SORCS1: variants seen among roughly 807,000 people sequenced by gnomAD.
The protein encoded by SORCS1 is sortilin related VPS10 domain containing receptor 1.
Under a neutral mutation model 146.1 loss-of-function variants are expected in SORCS1, and 60 were observed. The ratio of observed to expected loss-of-function variants is 0.41; its 90% confidence interval spans 0.33 to 0.51. SORCS1 has a LOEUF of 0.51. SORCS1 is among the 20% of genes least tolerant of loss of function. The pLI, the probability that SORCS1 is intolerant of heterozygous loss-of-function variation, is 0.21. For missense variants in SORCS1, 1,352 were observed against 1,487.6 expected (o/e 0.91, Z 1.50); for synonymous variants, 637 against 584.0 (o/e 1.09, Z -1.31).
intron 9 of SORCS1, among the ~76,000 whole-genome samples, chr10:106,698,401 C>T (rs1235328014): frequency 6.6e-6 from 1 of 152,130 alleles, no homozygotes; most frequent in African/African-American, 2.4e-5. Context: ...TATTGTTACA[C>T]TTCCCAAATT....
At chr10:106,803,296 C>T (rs1365844633) in intron 3 of SORCS1, among the ~76,000 whole-genome samples, 1 of 152,134 alleles carries the variant, frequency 6.6e-6, no homozygotes, top group Non-Finnish European at 1.5e-5. Context: ...TTTACATATC[C>T]ATATCTTTCC....
intron 1 of SORCS1, among the ~76,000 whole-genome samples, chr10:107,078,665 A>C (rs748363326): frequency 6.6e-6 from 1 of 152,128 alleles, no homozygotes; most frequent in African/African-American, 2.4e-5. Context: ...TGAACTACCT[A>C]AAGCTTTGTA....
At chr10:106,615,912 C>T (rs982521509) in intron 21 of SORCS1, among the ~76,000 whole-genome samples, 1 of 152,086 alleles carries the variant, frequency 6.6e-6, no homozygotes, top group Admixed American at 6.5e-5. Flanking sequence ...ATTCTTAGCT[C>T]GTTTATTATA....
intron 1 of SORCS1, among the ~76,000 whole-genome samples, chr10:106,962,394 C>CAAAAAAAAAAAAAAAAA (rs60616146): frequency 1.9e-4 from 12 of 62,568 alleles, no homozygotes; most frequent in East Asian, 1.7e-3. Flanking sequence ...AACTCCATCT[C>CAAAAAAAAAAAAAAAAA]AAAAAAAAAA....
At chr10:106,970,336 C>CCTTTTT (rs1955713393) in intron 1 of SORCS1, among the ~76,000 whole-genome samples, 1 of 89,454 alleles carries the variant, frequency 1.1e-5, no homozygotes, top group African/African-American at 5.4e-5. Flanking sequence ...ACCAACATCT[C>CCTTTTT]TTTTTTTTTT....
intron 18 of SORCS1, among the ~76,000 whole-genome samples, chr10:106,630,548 T>G (rs945059679): frequency 2.0e-5 from 3 of 152,222 alleles, no homozygotes; most frequent in Non-Finnish European, 2.9e-5. Context: ...AATTCTCATG[T>G]GCCATTAACA....
intron 2 of SORCS1, among the ~76,000 whole-genome samples, chr10:106,852,627 C>CAAAAAAAAAA (rs370300215): frequency 2.4e-5 from 2 of 84,996 alleles, no homozygotes; most frequent in Non-Finnish European, 4.7e-5. Flanking sequence ...GACCCTGTCT[C>CAAAAAAAAAA]AAAAAAAAAA....
At chr10:106,774,600 GA>G (rs1425505504) in intron 4 of SORCS1, among the ~76,000 whole-genome samples, 2 of 152,010 alleles carry the variant, frequency 1.3e-5, no homozygotes, top group Non-Finnish European at 2.9e-5. Context: ...ATAGAAATCC[GA>G]CATATCCATT....
intron 23 of SORCS1, among the ~76,000 whole-genome samples, chr10:106,604,200 T>G (rs1327021543): frequency 6.6e-6 from 1 of 152,228 alleles, no homozygotes; most frequent in East Asian, 1.9e-4. Context: ...TTGGTGATAC[T>G]TTTGAGTGGT....
intron 18 of SORCS1, among the ~76,000 whole-genome samples, chr10:106,641,560 G>A (rs1037890230): frequency 5.9e-5 from 9 of 152,084 alleles, no homozygotes; most frequent in African/African-American, 1.9e-4. Flanking sequence ...TGTTTTGACT[G>A]TTTTTCAAAT....
At chr10:106,754,104 A>G (rs1858462821) in intron 5 of SORCS1, among the ~76,000 whole-genome samples, 1 of 152,152 alleles carries the variant, frequency 6.6e-6, no homozygotes. Flanking sequence ...GGGGCATCAT[A>G]TTCCTTACTT....
intron 24 of SORCS1, among the ~76,000 whole-genome samples, chr10:106,586,008 T>C (rs1226300904): frequency 6.6e-6 from 1 of 152,322 alleles, no homozygotes; most frequent in East Asian, 1.9e-4. Flanking sequence ...ACTAGACGCA[T>C]AAGCAAAAAT....
At chr10:107,102,693 A>T (rs1344203783) in intron 1 of SORCS1, among the ~76,000 whole-genome samples, 1 of 152,176 alleles carries the variant, frequency 6.6e-6, no homozygotes, top group Non-Finnish European at 1.5e-5. Context: ...AAAGCGATAA[A>T]CTGTGGTTCT....
At chr10:106,743,444 G>A (rs997445425) in intron 5 of SORCS1, among the ~76,000 whole-genome samples, 1 of 152,058 alleles carries the variant, frequency 6.6e-6, no homozygotes, top group African/African-American at 2.4e-5. Context: ...TATTGAGAAG[G>A]AGTCTCATTC....
chr10:106,684,861 C>G (rs905073594), intron 10 of SORCS1, among the ~76,000 whole-genome samples: 4 of 152,206 alleles, frequency 2.6e-5, no homozygotes, highest in Non-Finnish European at 5.9e-5. Flanking sequence ...TCTCCTGTAG[C>G]TCAAAGATTT....
intron 1 of SORCS1, among the ~76,000 whole-genome samples, chr10:107,144,357 T>G (rs1302222925): frequency 6.6e-6 from 1 of 152,228 alleles, no homozygotes; most frequent in Non-Finnish European, 1.5e-5. Context: ...ATAGGGTTAA[T>G]AATACTAAAA....
At chr10:106,610,294 G>A (rs1214009326) in intron 22 of SORCS1, among the ~76,000 whole-genome samples, 1 of 151,894 alleles carries the variant, frequency 6.6e-6, no homozygotes, top group Non-Finnish European at 1.5e-5. Flanking sequence ...AAACCTTGAT[G>A]GTTTGACTCC....
Position 107,126,750 on chromosome 10 carries a change from C to A in SORCS1, c.558+37219G>T, listed in dbSNP as rs141520305. 4.3e-4 allele frequency among the ~76,000 whole-genome samples: 65 copies of A among 152,158 alleles called. 1 individual carries two copies. The East Asian group carries it at 0.011, about 26-fold the overall frequency. ...GGATTTTATCTCCTTTAATCGCGGG[C>A]ATTTCCCTGCATCCCAGTTGAGAGG... is the stretch of plus-strand genomic sequence containing the variant. On this transcript the variant is annotated intron_variant, in intron 1 of 25. Coordinates refer to ENST00000263054, the MANE Select transcript of SORCS1 (RefSeq NM_052918.5).
chr10:106,951,727 A>G (rs763422448), intron 2 of SORCS1, among the ~76,000 whole-genome samples: 1 of 152,346 alleles, frequency 6.6e-6, no homozygotes, highest in Middle Eastern at 3.4e-3. Flanking sequence ...TGCTCTGTTT[A>G]AAAACACAGT....
Sources: allele counts gnomAD v4.1 joint callset (sites outside exome capture counted in the v4.1 genomes callset), GRCh38; gene constraint gnomAD v4.1.1; transcripts MANE v1.5; gene names NCBI Gene and HGNC (gene_info 2026-07-23, HGNC 2026-07-21).